CD226: variants seen among roughly 807,000 people sequenced by gnomAD.
The protein encoded by CD226 is CD226 antigen.
In CD226, 24 loss-of-function variants were observed where a neutral mutation model predicts 34.9. The observed-to-expected ratio is 0.69, with a 90% confidence interval of 0.50 to 0.97. The LOEUF (loss-of-function observed/expected upper bound fraction) is 0.97, where lower values mean the gene tolerates loss of function less well. Ranked by LOEUF, CD226 falls within the 50% of genes least tolerant of loss-of-function variation. The probability of loss-of-function intolerance (pLI) is 0.00; values close to 1 mark genes in which losing one functional copy is unlikely to be tolerated. For missense variants in CD226, 397 were observed against 412.7 expected (o/e 0.96, Z 0.33); for synonymous variants, 148 against 147.4 (o/e 1.00, Z -0.03).
chr18:69,890,316 G>A (rs138980690), intron 3 of CD226, among the ~76,000 whole-genome samples: 4 of 152,206 alleles, frequency 2.6e-5, no homozygotes, highest in Non-Finnish European at 4.4e-5. Context: ...ATAGATGCAG[G>A]CCAGGTGTGG....
intron 3 of CD226, among the ~76,000 whole-genome samples, chr18:69,885,083 C>T (rs1984480280): frequency 6.6e-6 from 1 of 152,128 alleles, no homozygotes; most frequent in Non-Finnish European, 1.5e-5. Flanking sequence ...AGGTATAACT[C>T]TACATTACAG....
rs1391103366 is a variant in CD226, at chr18:69,888,106, G to A, written c.727+7595C>T. Reference sequence around the variant, plus strand: ...ACTTCAGATGAAGTTCAAAGTAATCGACTGATTGAGTTGTAATACTTAAAT... The same window carrying A: ...ACTTCAGATGAAGTTCAAAGTAATCAACTGATTGAGTTGTAATACTTAAAT... On this transcript the variant is annotated intron_variant, in intron 3 of 5. Transcript: ENST00000582621. 2.6e-5 allele frequency among the ~76,000 whole-genome samples: 4 copies of A among 152,242 alleles called. No homozygotes were observed. The East Asian group carries it at 5.8e-4, about 22-fold the overall frequency.
At chr18:69,887,996 G>A (rs113264027) in intron 3 of CD226, among the ~76,000 whole-genome samples, 5 of 152,086 alleles carry the variant, frequency 3.3e-5, no homozygotes, top group East Asian at 1.9e-4. Context: ...TTCATTTTCC[G>A]TCCTCTTAAA....
At chr18:69,904,453 C>A (rs117244683) in intron 2 of CD226, among the ~76,000 whole-genome samples, 34 of 152,340 alleles carry the variant, frequency 2.2e-4, no homozygotes, top group Non-Finnish European at 4.3e-4. Context: ...CAGGCTGCCT[C>A]CAGGGGCAGC....
At chr18:69,917,504 G>A (rs1568191669) in intron 2 of CD226, among the ~76,000 whole-genome samples, 1 of 152,196 alleles carries the variant, frequency 6.6e-6, no homozygotes, top group East Asian at 1.9e-4. Flanking sequence ...TGCACTTTAT[G>A]CTCATATTTT....
intron 3 of CD226, among the ~76,000 whole-genome samples, chr18:69,889,585 C>G (rs995099824): frequency 2.0e-5 from 3 of 152,032 alleles, no homozygotes; most frequent in African/African-American, 7.3e-5. Context: ...AAATAAAAGG[C>G]CAAGGAAATA....
At chr18:69,950,325 G>C (rs960367462), upstream of CD226, among the ~76,000 whole-genome samples, 3 of 152,198 alleles carry the variant, frequency 2.0e-5, no homozygotes, top group Admixed American at 1.3e-4. Flanking sequence ...TACGGCCAAA[G>C]TCTAACATAC....
intron 2 of CD226, among the ~76,000 whole-genome samples, chr18:69,930,637 C>G (rs970833315): frequency 1.3e-5 from 2 of 152,172 alleles, no homozygotes; most frequent in Non-Finnish European, 2.9e-5. Context: ...CTTGTCTTGT[C>G]GAGACCTCTA....
At chr18:69,948,961 C>A (rs555227761), upstream of CD226, among the ~76,000 whole-genome samples, 26 of 152,182 alleles carry the variant, frequency 1.7e-4, no homozygotes, top group Admixed American at 6.5e-5. Flanking sequence ...CCAGAGAGAA[C>A]AAATCATTCT....
At position 69,898,170 on chromosome 18, in the gene CD226, G is replaced by A. The variant is rs76542494; in HGVS notation, c.383-2125C>T. ...CGTGACAACATAAAATCAGATGCTAGCACACCATGTGGAGAAATGAAAGAA... is the reference window on the plus strand; with the variant it reads ...CGTGACAACATAAAATCAGATGCTAACACACCATGTGGAGAAATGAAAGAA... On this transcript the variant is annotated intron_variant, in intron 2 of 5. Transcript: ENST00000582621. Among the ~76,000 whole-genome samples the A allele has an allele frequency of 2.4e-3, 358 of 152,248 alleles. 1 individual carries two copies. Among genetic ancestry groups the A allele is most frequent in the Non-Finnish European group, 4.2e-3 (284 of 68,018 alleles).
intron 3 of CD226, among the ~76,000 whole-genome samples, chr18:69,882,170 G>A (rs1984301154): frequency 6.6e-6 from 1 of 152,260 alleles, no homozygotes; most frequent in East Asian, 1.9e-4. Context: ...AACCAGTGAG[G>A]GAAGCAAGCT....
At chr18:69,947,225 G>A (rs1240943128) in intron 1 of CD226, 136 bp downstream of exon 1, 2 of 915,030 alleles carry the variant, frequency 2.2e-6, no homozygotes, top group East Asian at 2.5e-5. Context: ...ATTGGAAAAT[G>A]TAACTTTTAG....
chr18:69,877,309 C>A (rs554714256), intron 3 of CD226, among the ~76,000 whole-genome samples: 1 of 152,262 alleles, frequency 6.6e-6, no homozygotes, highest in East Asian at 1.9e-4. Context: ...GCAAGGGATA[C>A]AGATGAAGAG....
At chr18:69,901,056 A>T (rs2055176342) in intron 2 of CD226, among the ~76,000 whole-genome samples, 1 of 152,140 alleles carries the variant, frequency 6.6e-6, no homozygotes, top group African/African-American at 2.4e-5. Context: ...CAAGCCTCCA[A>T]ATCTAACCAC....
chr18:69,877,401 T>A (rs11661553), intron 3 of CD226, among the ~76,000 whole-genome samples: 51,950 of 152,100 alleles, frequency 0.34, 10,804 homozygotes, highest in East Asian at 0.6. Flanking sequence ...AGGCTCCACA[T>A]GTTCAGCTGT....
At position 69,867,490 on chromosome 18, in the gene CD226, T is replaced by G. The variant is rs574304820; in HGVS notation, c.831-79A>C. The G allele has an allele frequency of 3.0e-5, 27 of 913,288 alleles. 1 individual carries two copies. The African/African-American group carries it at 4.4e-4, about 15-fold the overall frequency. 56.6% of individuals were successfully genotyped at this position (913,288 alleles called of 1,614,324 possible). ...TTATTTCGAAGACTCTATACCTCACTGTACCCCTAGCCCACATGCACCTTC... is the reference window on the plus strand; with the variant it reads ...TTATTTCGAAGACTCTATACCTCACGGTACCCCTAGCCCACATGCACCTTC... On this transcript the variant is annotated intron_variant, in intron 4 of 5. Coordinates refer to ENST00000582621, the MANE Select transcript of CD226 (RefSeq NM_001303618.2).
chr18:69,958,599 C>T (rs1230948683), upstream of CD226, among the ~76,000 whole-genome samples: 1 of 152,154 alleles, frequency 6.6e-6, no homozygotes, highest in African/African-American at 2.4e-5. Context: ...CGTCTACCCA[C>T]GTGGTTCACA....
rs1983655561 is a variant in CD226 at position 69,873,264 on chromosome 18, T to C, written c.728-18A>G. ...GGTTTTACCTAGGAGAGAAAAAAAATATTGTAGGAATTAGGAATTCAGCCA... is the reference window on the plus strand; with the variant it reads ...GGTTTTACCTAGGAGAGAAAAAAAACATTGTAGGAATTAGGAATTCAGCCA... On this transcript the variant is annotated intron_variant, in intron 3 of 5. Coordinates refer to ENST00000582621, the MANE Select transcript of CD226 (RefSeq NM_001303618.2). The C allele has an allele frequency of 1.5e-6, 2 of 1,338,922 alleles. No homozygotes were observed. Among genetic ancestry groups the C allele is most frequent in the South Asian group, 1.2e-5 (1 of 80,914 alleles). 82.9% of individuals were successfully genotyped at this position (1,338,922 alleles called of 1,614,324 possible).
At chr18:69,902,908 C>A (rs2055205777) in intron 2 of CD226, among the ~76,000 whole-genome samples, 1 of 152,028 alleles carries the variant, frequency 6.6e-6, no homozygotes, top group South Asian at 2.1e-4. Context: ...TGAATATGCT[C>A]AATTAAGAAC....
Sources: gnomAD v4.1 joint callset for allele counts (sites outside exome capture counted in the v4.1 genomes callset) on GRCh38, gnomAD v4.1.1 for gene constraint, MANE v1.5 for transcripts, NCBI Gene and HGNC (gene_info 2026-07-23, HGNC 2026-07-21) for gene names.